GPC5: variants seen among roughly 807,000 people sequenced by gnomAD.
The protein encoded by GPC5 is glypican-5.
In GPC5, 47 loss-of-function variants were observed where a neutral mutation model predicts 53.9. The ratio of observed to expected loss-of-function variants is 0.87; its 90% CI spans 0.69 to 1.11. GPC5 has a LOEUF of 1.11. Ranked by LOEUF, GPC5 falls within the 50% of genes most tolerant of loss-of-function variation. The pLI is 0.00. For synonymous variants in GPC5, 286 were observed against 263.3 expected (o/e 1.09, Z -0.84); for missense variants, 748 against 713.1 (o/e 1.05, Z -0.56).
intron 6 of GPC5, among the ~76,000 whole-genome samples, chr13:92,031,102 A>G (rs960575358): frequency 2.0e-5 from 3 of 151,970 alleles, no homozygotes; most frequent in African/African-American, 7.2e-5. Flanking sequence ...ACCATGGCCT[A>G]CTGGTTTCTG....
intron 5 of GPC5, among the ~76,000 whole-genome samples, chr13:91,794,946 C>CATGT (rs1193848833): frequency 6.6e-6 from 1 of 151,902 alleles, no homozygotes; most frequent in Non-Finnish European, 1.5e-5. Context: ...TTACAGAATG[C>CATGT]ATGTAAGCAT....
In GPC5 at chr13:91,425,835, G is replaced by A. The variant is rs1027720639; in HGVS notation, c.164-22926G>A. On this transcript the variant is annotated intron_variant, in intron 1 of 7. Transcript: ENST00000377067. The stretch of plus-strand genomic sequence containing the variant: ...AGGGCTCAGAAGAAGACAGGAAGAT[G>A]TGGGAAAGTTTGGAGCTTCCTGGAG... Among the ~76,000 whole-genome samples, 3 of 152,184 alleles carry A rather than the reference G, an allele frequency of 2.0e-5. 1 individual carries two copies. Among genetic ancestry groups the A allele is most frequent in the African/African-American group, 7.2e-5 (3 of 41,444 alleles).
chr13:92,494,432 A>G (rs1232160931), intron 7 of GPC5, among the ~76,000 whole-genome samples: 6 of 152,192 alleles, frequency 3.9e-5, no homozygotes, highest in Admixed American at 3.9e-4. Flanking sequence ...AAGTTCTTCA[A>G]CTGTATTTTT....
chr13:91,727,319 T>C (rs1489022360), intron 3 of GPC5, among the ~76,000 whole-genome samples: 1 of 152,176 alleles, frequency 6.6e-6, no homozygotes, highest in Non-Finnish European at 1.5e-5. Context: ...TTTGCTGATA[T>C]CCTTCTTCAC....
chr13:92,423,599 A>G (rs555469559), intron 7 of GPC5, among the ~76,000 whole-genome samples: 1 of 152,306 alleles, frequency 6.6e-6, no homozygotes, highest in African/African-American at 2.4e-5. Flanking sequence ...ATGTACAGTA[A>G]ATTCAACCTG....
intron 6 of GPC5, among the ~76,000 whole-genome samples, chr13:91,958,087 A>T (rs1594687564): frequency 6.7e-6 from 1 of 149,294 alleles, no homozygotes; most frequent in Admixed American, 6.7e-5. Context: ...AGACTGGTTG[A>T]TTTTTTTTTT....
chr13:91,937,413 G>A (rs972766944), intron 6 of GPC5, among the ~76,000 whole-genome samples: 3 of 151,998 alleles, frequency 2.0e-5, no homozygotes, highest in African/African-American at 4.8e-5. Flanking sequence ...ACAGAAGAGC[G>A]AGTTGGAGGT....
At chr13:92,372,729 G>A (rs1368140322) in intron 7 of GPC5, among the ~76,000 whole-genome samples, 2 of 152,102 alleles carry the variant, frequency 1.3e-5, no homozygotes, top group African/African-American at 2.4e-5. Context: ...AATTGTATTG[G>A]GAGACAGAGA....
At chr13:92,174,550 ACAAAAACAAC>A (rs1406140161) in intron 7 of GPC5, among the ~76,000 whole-genome samples, 1 of 140,610 alleles carries the variant, frequency 7.1e-6, no homozygotes. Flanking sequence ...AAAAAAAAAA[ACAAAAACAAC>A]AACAACAACA....
At chr13:92,631,683 G>C (rs1232405432) in intron 7 of GPC5, among the ~76,000 whole-genome samples, 3 of 152,094 alleles carry the variant, frequency 2.0e-5, no homozygotes, top group Non-Finnish European at 2.9e-5. Context: ...AGTTTCTGTA[G>C]AATTCTGGCA....
intron 6 of GPC5, among the ~76,000 whole-genome samples, chr13:91,926,820 G>T (rs1410439345): frequency 1.3e-5 from 2 of 152,174 alleles, no homozygotes; most frequent in East Asian, 1.9e-4. Flanking sequence ...GTTTTTGTTT[G>T]TTTGAATGAG....
At chr13:92,305,343 A>T (rs2043103893) in intron 7 of GPC5, among the ~76,000 whole-genome samples, 1 of 152,156 alleles carries the variant, frequency 6.6e-6, no homozygotes, top group African/African-American at 2.4e-5. Context: ...ATATATATAG[A>T]CTCTGAGGAA....
intron 7 of GPC5, among the ~76,000 whole-genome samples, chr13:92,500,236 C>T (rs1395791149): frequency 2.6e-5 from 4 of 152,148 alleles, no homozygotes; most frequent in Non-Finnish European, 5.9e-5. Context: ...GAATAACGTA[C>T]AGTGACACAG....
intron 6 of GPC5, among the ~76,000 whole-genome samples, chr13:92,132,277 A>G (rs796195008): frequency 3.9e-5 from 6 of 152,312 alleles, no homozygotes; most frequent in African/African-American, 1.4e-4. Context: ...CTATATTGAA[A>G]GATTGTGAAA....
intron 7 of GPC5, among the ~76,000 whole-genome samples, chr13:92,215,786 A>G (rs2042405396): frequency 6.6e-6 from 1 of 152,192 alleles, no homozygotes; most frequent in Admixed American, 6.5e-5. Flanking sequence ...AGGTAAGGAT[A>G]GTGGCACCAC....
intron 7 of GPC5, among the ~76,000 whole-genome samples, chr13:92,696,444 C>T (rs1325046140): frequency 6.6e-6 from 1 of 152,152 alleles, no homozygotes; most frequent in East Asian, 1.9e-4. Flanking sequence ...TCTCTAATGA[C>T]CAGTGATGAT....
At chr13:92,003,824 T>C (rs1040326272) in intron 6 of GPC5, among the ~76,000 whole-genome samples, 23 of 152,172 alleles carry the variant, frequency 1.5e-4, no homozygotes, top group Admixed American at 1.1e-3. Context: ...ATTGATGAAA[T>C]GTTACACTTC....
At chr13:91,581,545 T>A (rs1459298258) in intron 2 of GPC5, among the ~76,000 whole-genome samples, 1 of 152,202 alleles carries the variant, frequency 6.6e-6, no homozygotes, top group African/African-American at 2.4e-5. Flanking sequence ...AGCTACTGCT[T>A]GTGCCATAAC....
intron 5 of GPC5, among the ~76,000 whole-genome samples, chr13:91,775,731 G>A (rs457306): frequency 0.28 from 42,817 of 152,088 alleles, 6,825 homozygotes; most frequent in African/African-American, 0.41. Context: ...TGTATGTCCC[G>A]TGATAGCATT....
Sources: allele counts gnomAD v4.1 joint callset (sites outside exome capture counted in the v4.1 genomes callset), GRCh38; gene constraint gnomAD v4.1.1; transcripts MANE v1.5; gene names NCBI Gene and HGNC (gene_info 2026-07-23, HGNC 2026-07-21).